Variants in TMEM132D observed in about 807,000 individuals in gnomAD.
TMEM132D encodes the protein mature OL transmembrane protein.
TMEM132D carries 21 observed loss-of-function variants against 62.3 expected under a neutral mutation model. The ratio of observed to expected loss-of-function variants is 0.34; its 90% CI spans 0.24 to 0.49. The LOEUF is 0.49. TMEM132D is among the 20% of genes least tolerant of loss of function. The pLI, the probability that TMEM132D is intolerant of heterozygous loss-of-function variation, is 0.99. For missense variants in TMEM132D, 1,346 were observed against 1,402.8 expected, an observed-to-expected ratio of 0.96 and a Z score of 0.65; for synonymous variants, 621 against 575.6, an observed-to-expected ratio of 1.08 and a Z score of -1.13.
At chr12:129,521,019 T>C (rs747277841) in intron 3 of TMEM132D, among the ~76,000 whole-genome samples, 1 of 152,206 alleles carries the variant, frequency 6.6e-6, no homozygotes, top group South Asian at 2.1e-4. Flanking sequence ...GTGGCTGAGA[T>C]TGATATTGAC....
At chr12:129,537,186 C>T (rs1876420613) in intron 2 of TMEM132D, among the ~76,000 whole-genome samples, 1 of 141,146 alleles carries the variant, frequency 7.1e-6, no homozygotes, top group Admixed American at 7.0e-5. Flanking sequence ...TCATATGCAA[C>T]CTTTATATAG....
At chr12:129,891,460 C>T (rs1009294437) in intron 1 of TMEM132D, among the ~76,000 whole-genome samples, 2 of 152,200 alleles carry the variant, frequency 1.3e-5, no homozygotes, top group Non-Finnish European at 2.9e-5. Context: ...TGAGGAAATG[C>T]CGTTGGGTGC....
chr12:129,715,062 A>G (rs1227073234), intron 1 of TMEM132D, among the ~76,000 whole-genome samples: 1 of 152,210 alleles, frequency 6.6e-6, no homozygotes, highest in East Asian at 1.9e-4. Context: ...AATTTTTTAA[A>G]AATGGTTTAT....
intron 5 of TMEM132D, among the ~76,000 whole-genome samples, chr12:129,087,839 C>A (rs953745365): frequency 1.4e-5 from 2 of 146,104 alleles, no homozygotes; most frequent in Non-Finnish European, 3.1e-5. Flanking sequence ...GGGAGAATGA[C>A]ACACCGCAGA....
At chr12:129,270,398 G>A (rs1219017315) in intron 4 of TMEM132D, among the ~76,000 whole-genome samples, 1 of 152,162 alleles carries the variant, frequency 6.6e-6, no homozygotes, top group Non-Finnish European at 1.5e-5. Flanking sequence ...GAAAATTAAA[G>A]TATTTAGACA....
chr12:129,609,893 C>T (rs776610906), intron 2 of TMEM132D, among the ~76,000 whole-genome samples: 1 of 152,226 alleles, frequency 6.6e-6, no homozygotes, highest in Non-Finnish European at 1.5e-5. Flanking sequence ...ATCCCTCAAG[C>T]CTTGTCCTAG....
chr12:129,261,076 A>G (rs988176270), intron 4 of TMEM132D, among the ~76,000 whole-genome samples: 3 of 152,236 alleles, frequency 2.0e-5, no homozygotes, highest in African/African-American at 7.2e-5. Flanking sequence ...TAGTTCTTTA[A>G]GGAATCTCCA....
intron 3 of TMEM132D, among the ~76,000 whole-genome samples, chr12:129,428,025 TAATG>T (rs1265168965): frequency 1.3e-5 from 2 of 152,020 alleles, no homozygotes; most frequent in East Asian, 3.9e-4. Context: ...TCATATATAA[TAATG>T]AATGATTCCA....
chr12:129,710,679 CGG>C (rs1881619489), intron 1 of TMEM132D, among the ~76,000 whole-genome samples: 1 of 152,296 alleles, frequency 6.6e-6, no homozygotes, highest in African/African-American at 2.4e-5. Context: ...TAAGGCATTT[CGG>C]AGTGTCTTTC....
In TMEM132D at chr12:129,720,976, A is replaced by G. The variant is rs562216209; in HGVS notation, c.80-20278T>C. ...GAGCTGACAGCCAGGTCATGGCTTC[A>G]GAGGTGAGGAATCACTGCAGGGGAA... On this transcript the variant is annotated intron_variant, in intron 1 of 8. Transcript: ENST00000422113. 7.2e-5 allele frequency among the ~76,000 whole-genome samples: 11 copies of G among 152,370 alleles called. No individual in the cohort carries two copies. In the South Asian group the frequency reaches 2.3e-3, roughly 32 times the overall value.
intron 2 of TMEM132D, among the ~76,000 whole-genome samples, chr12:129,662,914 T>C (rs1880279242): frequency 6.6e-6 from 1 of 152,130 alleles, no homozygotes; most frequent in Admixed American, 6.5e-5. Flanking sequence ...ATTATTTTTC[T>C]CATTTAAAAG....
intron 4 of TMEM132D, among the ~76,000 whole-genome samples, chr12:129,226,455 G>C (rs529490124): frequency 6.6e-6 from 1 of 152,168 alleles, no homozygotes; most frequent in Non-Finnish European, 1.5e-5. Context: ...CCTGTCTGCC[G>C]CGGCACCAGA....
At chr12:129,882,667 A>C (rs1374297421) in intron 1 of TMEM132D, among the ~76,000 whole-genome samples, 1 of 152,220 alleles carries the variant, frequency 6.6e-6, no homozygotes, top group Non-Finnish European at 1.5e-5. Flanking sequence ...TCTTGATCTG[A>C]TCACTATACA....
chr12:129,821,801 C>A (rs1872548250), intron 1 of TMEM132D, among the ~76,000 whole-genome samples: 1 of 152,108 alleles, frequency 6.6e-6, no homozygotes, highest in Admixed American at 6.5e-5. Flanking sequence ...CATTTCTTGC[C>A]AACTTCCAGG....
At chr12:129,436,464 G>A (rs1012835352) in intron 3 of TMEM132D, among the ~76,000 whole-genome samples, 9 of 152,228 alleles carry the variant, frequency 5.9e-5, no homozygotes, top group Admixed American at 3.9e-4. Flanking sequence ...AAGACCAAGC[G>A]TAGCAGTGGT....
chr12:129,421,760 G>A (rs1872331988), intron 3 of TMEM132D, among the ~76,000 whole-genome samples: 1 of 152,126 alleles, frequency 6.6e-6, no homozygotes, highest in African/African-American at 2.4e-5. Context: ...GTTTATAAAT[G>A]ACATAGCAAA....
chr12:129,758,936 C>CTT (rs570116732), intron 1 of TMEM132D, among the ~76,000 whole-genome samples: 11 of 138,312 alleles, frequency 8.0e-5, no homozygotes, highest in Admixed American at 2.9e-4. Flanking sequence ...TTCTTTCTTT[C>CTT]TTTTTTTTTT....
At chr12:129,746,342 G>T (rs1034774747) in intron 1 of TMEM132D, among the ~76,000 whole-genome samples, 2 of 152,178 alleles carry the variant, frequency 1.3e-5, no homozygotes, top group African/African-American at 4.8e-5. Flanking sequence ...CATTTGAGAT[G>T]ACTCTTCCTG....
At chr12:129,320,102 C>CA (rs1385990023) in intron 4 of TMEM132D, among the ~76,000 whole-genome samples, 3 of 152,042 alleles carry the variant, frequency 2.0e-5, no homozygotes, top group Admixed American at 2.0e-4. Context: ...TGCACCTTTC[C>CA]AAAAAGAGTC....
Sources: allele counts gnomAD v4.1 joint callset (sites outside exome capture counted in the v4.1 genomes callset), GRCh38; gene constraint gnomAD v4.1.1; transcripts MANE v1.5; gene names NCBI Gene and HGNC (gene_info 2026-07-23, HGNC 2026-07-21).